Variants in SNX29 observed in about 807,000 individuals in gnomAD.
The protein encoded by SNX29 is sorting nexin 29, also known as sorting nexin-29.
A neutral mutation model predicts 102.1 loss-of-function variants in SNX29; 78 were observed. The observed-to-expected ratio is 0.76, with a 90% CI of 0.64 to 0.92. The LOEUF (loss-of-function observed/expected upper bound fraction) is 0.92, where lower values mean the gene tolerates loss of function less well. SNX29 is among the 40% of genes least tolerant of loss of function. The pLI is 0.00. For synonymous variants in SNX29, 580 were observed against 414.5 expected, an observed-to-expected ratio of 1.40 and a Z score of -4.85; for missense variants, 1,280 against 1,061.7, an observed-to-expected ratio of 1.21 and a Z score of -2.86.
chr16:12,366,417 A>T (rs2082483495), intron 16 of SNX29, among the ~76,000 whole-genome samples: 1 of 152,182 alleles, frequency 6.6e-6, no homozygotes, highest in African/African-American at 2.4e-5. Flanking sequence ...ATTAAATGTC[A>T]TGTTTTTTTA....
intron 15 of SNX29, chr16:12,297,425 A>G (rs1365234907): frequency 2.6e-5 from 4 of 152,210 alleles, no homozygotes; most frequent in Non-Finnish European, 5.9e-5. Context: ...GTTGTTCTAC[A>G]CAGAAATAAT....
At chr16:12,262,351 AG>A (rs2142512557) in intron 14 of SNX29, among the ~76,000 whole-genome samples, 1 of 152,314 alleles carries the variant, frequency 6.6e-6, no homozygotes, top group South Asian at 2.1e-4. Context: ...GGAATTTGTC[AG>A]CTATCAAAAT....
chr16:12,011,941 A>C (rs1276792106), intron 3 of SNX29, among the ~76,000 whole-genome samples: 1 of 152,192 alleles, frequency 6.6e-6, no homozygotes, highest in Non-Finnish European at 1.5e-5. Context: ...AAAACGTAAT[A>C]AACTCAAAAC....
chr16:12,484,741 C>T (rs62028453), intron 19 of SNX29, among the ~76,000 whole-genome samples: 3,784 of 152,340 alleles, frequency 0.025, 68 homozygotes, highest in East Asian at 0.052. Flanking sequence ...TTCAGATTTG[C>T]CCTCCTTAGG....
chr16:12,542,612 G>C lies in SNX29; in HGVS notation c.2318+17771G>C, dbSNP rs771404071. On this transcript the variant is annotated intron_variant, in intron 20 of 20. Coordinates refer to ENST00000566228, the MANE Select transcript of SNX29 (RefSeq NM_032167.5). ...CTCCCAAAGTGCTGGGATTACAGGC[G>C]TGAGCCACGGCACCCAGTGTGGGTC... 3.3e-5 allele frequency among the ~76,000 whole-genome samples: 5 copies of C among 152,218 alleles called. No homozygotes were observed. The East Asian group carries it at 5.8e-4, about 18-fold the overall frequency.
At chr16:12,479,338 C>T (rs533227403) in intron 19 of SNX29, among the ~76,000 whole-genome samples, 1 of 152,344 alleles carries the variant, frequency 6.6e-6, no homozygotes, top group South Asian at 2.1e-4. Context: ...AAACACAGAG[C>T]AAGAGTTTCC....
At chr16:12,537,175 G>A (rs546177480) in intron 20 of SNX29, among the ~76,000 whole-genome samples, 1 of 152,116 alleles carries the variant, frequency 6.6e-6, no homozygotes. Context: ...GCATAAAGAT[G>A]CCATCCCCCT....
At chr16:11,983,425 C>G (rs1459436500) in intron 1 of SNX29, among the ~76,000 whole-genome samples, 1 of 152,044 alleles carries the variant, frequency 6.6e-6, no homozygotes. Flanking sequence ...CTCCTCGGCA[C>G]TGACTGGGCC....
chr16:12,217,743 G>A (rs1011518421), intron 14 of SNX29, among the ~76,000 whole-genome samples: 3 of 152,188 alleles, frequency 2.0e-5, no homozygotes, highest in Admixed American at 6.5e-5. Flanking sequence ...CTATTGATCA[G>A]TGCCAAGTGA....
chr16:12,291,967 A>G (rs1012047952), intron 15 of SNX29, among the ~76,000 whole-genome samples: 2 of 152,224 alleles, frequency 1.3e-5, no homozygotes, highest in African/African-American at 4.8e-5. Flanking sequence ...GCCTACTAGT[A>G]GAGTTAGCGT....
At chr16:12,128,712 C>G (rs528461201) in intron 12 of SNX29, among the ~76,000 whole-genome samples, 62 of 152,252 alleles carry the variant, frequency 4.1e-4, no homozygotes, top group African/African-American at 1.4e-3. Flanking sequence ...CTTGGCCTCC[C>G]TAAGTGCTGG....
At chr16:12,400,428 C>T (rs1190641069) in intron 17 of SNX29, among the ~76,000 whole-genome samples, 1 of 152,224 alleles carries the variant, frequency 6.6e-6, no homozygotes, top group Non-Finnish European at 1.5e-5. Context: ...GGTGTCTCCT[C>T]ACGGATGATG....
chr16:12,095,952 A>T (rs2052749720), intron 11 of SNX29, among the ~76,000 whole-genome samples: 1 of 152,232 alleles, frequency 6.6e-6, no homozygotes, highest in South Asian at 2.1e-4. Context: ...TAGCAACACA[A>T]TTCCAAACAT....
chr16:12,058,418 C>T (rs1318250529), intron 8 of SNX29, among the ~76,000 whole-genome samples: 1 of 150,398 alleles, frequency 6.6e-6, no homozygotes, highest in Non-Finnish European at 1.5e-5. Flanking sequence ...GCAGTGTCAG[C>T]TTCAGGAATC....
At chr16:12,419,812 T>C (rs1203183969) in intron 18 of SNX29, among the ~76,000 whole-genome samples, 2 of 152,208 alleles carry the variant, frequency 1.3e-5, no homozygotes, top group Non-Finnish European at 2.9e-5. Context: ...GTAGGTGTGA[T>C]ACTGGGTCGG....
chr16:12,128,183 C>T (rs960392494), intron 12 of SNX29, among the ~76,000 whole-genome samples: 2 of 152,344 alleles, frequency 1.3e-5, no homozygotes, highest in Admixed American at 6.5e-5. Flanking sequence ...AGAGGGCTTG[C>T]GCCATTGAGG....
intron 20 of SNX29, among the ~76,000 whole-genome samples, chr16:12,567,730 G>A (rs1284812621): frequency 1.3e-5 from 2 of 152,272 alleles, no homozygotes; most frequent in East Asian, 3.9e-4. Context: ...CGATTGCACT[G>A]TAAAACCTGG....
At chr16:12,018,961 GT>G (rs71408227) in intron 3 of SNX29, among the ~76,000 whole-genome samples, 72 of 149,742 alleles carry the variant, frequency 4.8e-4, no homozygotes, top group Admixed American at 9.3e-4. Context: ...TTGTAGATCT[GT>G]TTTTTTTTAT....
intron 14 of SNX29, among the ~76,000 whole-genome samples, chr16:12,212,088 G>A (rs1289432261): frequency 6.6e-6 from 1 of 152,116 alleles, no homozygotes; most frequent in African/African-American, 2.4e-5. Context: ...AGTGTATGTT[G>A]CCTCTCCTGG....
Sources: gnomAD v4.1 joint callset for allele counts (sites outside exome capture counted in the v4.1 genomes callset) on GRCh38, gnomAD v4.1.1 for gene constraint, MANE v1.5 for transcripts, NCBI Gene and HGNC (gene_info 2026-07-23, HGNC 2026-07-21) for gene names.